The following ATP2C1 variants were observed in gnomAD, a reference collection of about 807,000 sequenced individuals.
The protein encoded by ATP2C1 is ATPase secretory pathway Ca2+ transporting 1, also known as calcium-transporting ATPase type 2C member 1.
ATP2C1 carries 31 observed loss-of-function variants against 120.5 expected under a neutral mutation model. That is an observed-to-expected ratio of 0.26 (90% CI 0.19 to 0.35). ATP2C1 has a LOEUF of 0.35. ATP2C1 is among the 10% of genes least tolerant of loss of function. The pLI is 1.00. For synonymous variants in ATP2C1, 351 were observed against 358.7 expected, an observed-to-expected ratio of 0.98 and a Z score of 0.24; for missense variants, 731 against 1,107.5, an observed-to-expected ratio of 0.66 and a Z score of 4.83.
intron 2 of ATP2C1, among the ~76,000 whole-genome samples, chr3:130,919,842 C>T (rs1330449246): frequency 6.6e-6 from 1 of 152,164 alleles, no homozygotes; most frequent in Non-Finnish European, 1.5e-5. Context: ...TCCTCACCAA[C>T]AGTAGTTGTG....
intron 16 of ATP2C1, among the ~76,000 whole-genome samples, chr3:130,968,611 G>C (rs961317147): frequency 3.9e-5 from 6 of 152,154 alleles, no homozygotes; most frequent in African/African-American, 7.2e-5. Context: ...GTATTTGCAC[G>C]ACCAGGAGGA....
chr3:130,863,341 G>A (rs960927553), intron 1 of ATP2C1, among the ~76,000 whole-genome samples: 2 of 151,744 alleles, frequency 1.3e-5, no homozygotes, highest in African/African-American at 4.8e-5. Flanking sequence ...ATTTGCAAAG[G>A]GATTCTTTGC....
At chr3:130,874,828 C>T (rs894315740) in intron 1 of ATP2C1, among the ~76,000 whole-genome samples, 30 of 152,278 alleles carry the variant, frequency 2.0e-4, no homozygotes, top group African/African-American at 7.2e-4. Flanking sequence ...CAGACTGCTG[C>T]ATCTAATCCC....
Position 131,016,288 on chromosome 3 carries a change from T to C in ATP2C1, c.*99T>C, listed in dbSNP as rs1192525846. 8 of 1,614,188 alleles carry C rather than the reference T, an allele frequency of 5.0e-6. No individual in the cohort carries two copies. The South Asian group carries it at 7.7e-5, about 16-fold the overall frequency. On this transcript the variant is annotated 3_prime_UTR_variant, in exon 27 of 27. Transcript: ENST00000328560. The stretch of plus-strand genomic sequence containing the variant: ...CAGCCGTGTCTGCGCCTTCACTCTT[T>C]GGAACTCTGCATACAACATCTTAGC...
At chr3:130,912,892 G>T (rs1472240118) in intron 2 of ATP2C1, among the ~76,000 whole-genome samples, 1 of 151,980 alleles carries the variant, frequency 6.6e-6, no homozygotes, top group Non-Finnish European at 1.5e-5. Flanking sequence ...AGAAAATGTG[G>T]CACATATACA....
intron 2 of ATP2C1, chr3:130,918,203 G>A: frequency 7.9e-7 from 1 of 1,272,950 alleles, no homozygotes; most frequent in Non-Finnish European, 1.1e-6. Context: ...GTGATGCTTG[G>A]TTCTGGGTTT....
At chr3:130,956,048 G>T in intron 10 of ATP2C1, 56 bp from the exon 11 acceptor site, 2 of 1,241,064 alleles carry the variant, frequency 1.6e-6, no homozygotes, top group South Asian at 2.4e-5. Context: ...CCTGGCACTT[G>T]ATAAAGCTTA....
At chr3:130,892,585 G>C (rs2069218047), upstream of ATP2C1, among the ~76,000 whole-genome samples, 1 of 149,750 alleles carries the variant, frequency 6.7e-6, no homozygotes, top group Non-Finnish European at 1.5e-5. Flanking sequence ...TTCGATCCTA[G>C]TCTAGTACCA....
At chr3:130,927,276 T>C (rs1056632799) in intron 2 of ATP2C1, among the ~76,000 whole-genome samples, 4 of 151,536 alleles carry the variant, frequency 2.6e-5, no homozygotes, top group Admixed American at 6.6e-5. Flanking sequence ...AGTCTCGCTC[T>C]GTCGCCCAGG....
rs2059479245 is a variant in ATP2C1 at position 130,932,202 on chromosome 3, G to A, written c.234+64G>A. On this transcript the variant is annotated intron_variant, in intron 4 of 27. Transcript: ENST00000510168. ...TTAATACATGGACTTCTGTTATGTA[G>A]TTGCTTACTTTTGTGATACTGTTTA... is the stretch of plus-strand genomic sequence containing the variant. 2.0e-5 allele frequency: 20 copies of A among 1,015,468 alleles called. No individual in the cohort carries two copies. In the South Asian group the frequency reaches 2.2e-4, roughly 11 times the overall value. 62.9% of individuals were successfully genotyped at this position (1,015,468 alleles called of 1,614,324 possible).
intron 7 of ATP2C1, among the ~76,000 whole-genome samples, chr3:130,941,165 C>T (rs186492848): frequency 9.2e-5 from 14 of 152,038 alleles, no homozygotes; most frequent in Admixed American, 1.3e-4. Context: ...CTGCCCACCT[C>T]GGCCTCCCAA....
chr3:130,978,694 C>A (rs1252719023), intron 18 of ATP2C1, among the ~76,000 whole-genome samples: 2 of 152,174 alleles, frequency 1.3e-5, no homozygotes, highest in Non-Finnish European at 2.9e-5. Context: ...AATGGTTTTA[C>A]AACCACTTTC....
intron 8 of ATP2C1, among the ~76,000 whole-genome samples, chr3:130,946,243 TG>T (rs2060149090): frequency 6.6e-6 from 1 of 152,244 alleles, no homozygotes; most frequent in African/African-American, 2.4e-5. Context: ...AGGGTCTAAC[TG>T]GGGCCAAGCT....
chr3:130,923,773 G>A (rs1398090549), intron 2 of ATP2C1, among the ~76,000 whole-genome samples: 3 of 151,458 alleles, frequency 2.0e-5, no homozygotes, highest in Admixed American at 2.0e-4. Context: ...AGGCTGAGGT[G>A]GGAGAATAGC....
intron 4 of ATP2C1, among the ~76,000 whole-genome samples, chr3:130,933,434 A>T (rs2059536472): frequency 6.6e-6 from 1 of 152,194 alleles, no homozygotes; most frequent in African/African-American, 2.4e-5. Context: ...TTTAATGTAC[A>T]TTCTTAGTTA....
chr3:130,939,973 A>C (rs983640180), intron 6 of ATP2C1, among the ~76,000 whole-genome samples: 2 of 152,228 alleles, frequency 1.3e-5, no homozygotes, highest in Non-Finnish European at 2.9e-5. Flanking sequence ...AAGACTGCTC[A>C]TGGAAATGTG....
At chr3:130,992,672 A>C (rs1483304344) in intron 20 of ATP2C1, among the ~76,000 whole-genome samples, 1 of 152,226 alleles carries the variant, frequency 6.6e-6, no homozygotes, top group Non-Finnish European at 1.5e-5. Context: ...GGAACATTTC[A>C]AGAATAAGGC....
chr3:131,001,104 GAAAAAAAA>G (rs11403338), intron 27 of ATP2C1, 108 bp from the exon 28 acceptor site: 21 of 340,902 alleles, frequency 6.2e-5, no homozygotes, highest in African/African-American at 4.9e-4. Context: ...CTTCATCTCA[GAAAAAAAA>G]AAAAAAAAAA....
upstream of ATP2C1, among the ~76,000 whole-genome samples, chr3:130,893,288 G>T (rs1209217303): frequency 6.6e-6 from 1 of 152,156 alleles, no homozygotes; most frequent in African/African-American, 2.4e-5. Flanking sequence ...ACAGCTGTAC[G>T]ACTGGTTTCT....
Sources: allele counts gnomAD v4.1 joint callset (sites outside exome capture counted in the v4.1 genomes callset), GRCh38; gene constraint gnomAD v4.1.1; transcripts MANE v1.5; gene names NCBI Gene and HGNC (gene_info 2026-07-23, HGNC 2026-07-21).